Variants in VPS53 observed in about 807,000 individuals in gnomAD.
VPS53 encodes vacuolar protein sorting-associated protein 53 homolog.
In VPS53, 70 loss-of-function variants were observed where a neutral mutation model predicts 107.0. That is an observed-to-expected ratio of 0.65 (90% confidence interval 0.54 to 0.80). The LOEUF is 0.80. VPS53 is among the 30% of genes least tolerant of loss of function. VPS53 has a pLI of 0.00. For missense variants in VPS53, 917 were observed against 1,049.4 expected (o/e 0.87, Z 1.74); for synonymous variants, 409 against 393.3 (o/e 1.04, Z -0.47).
At chr17:710,656 C>T in intron 1 of VPS53, 43 bp from the exon 2 acceptor site, 2 of 1,384,446 alleles carry the variant, frequency 1.4e-6, no homozygotes, top group Non-Finnish European at 2.0e-6. Context: ...ATGTAGTATA[C>T]CGTAAATATA....
chr17:582,109 A>T (rs1276351267), intron 13 of VPS53, among the ~76,000 whole-genome samples: 1 of 148,818 alleles, frequency 6.7e-6, no homozygotes, highest in Non-Finnish European at 1.5e-5. Flanking sequence ...CGTTCCCAGA[A>T]AACATCCCTC....
chr17:646,023 C>T lies in VPS53; in HGVS notation c.608+7268G>A, dbSNP rs528091629. ...ATCCATATCACGGACTGGAGACTGG[C>T]TCCCACACACATCTCGGTGACCGCG... On this transcript the variant is annotated intron_variant, in intron 7 of 21. Coordinates refer to ENST00000437048, the MANE Select transcript of VPS53 (RefSeq NM_001128159.3). Among the ~76,000 whole-genome samples, 19 of 132,082 alleles carry T rather than the reference C, an allele frequency of 1.4e-4. 1 individual carries two copies. Among genetic ancestry groups the T allele is most frequent in the African/African-American group, 4.8e-4 (18 of 37,870 alleles). 86.7% of individuals were successfully genotyped at this position (132,082 alleles called of 152,430 possible).
At chr17:685,212 G>A (rs1972544958) in intron 4 of VPS53, 1 of 152,162 alleles carries the variant, frequency 6.6e-6, no homozygotes, top group Non-Finnish European at 1.5e-5. Flanking sequence ...GCCTGGGTCT[G>A]GAAACCGGTG....
intron 11 of VPS53, among the ~76,000 whole-genome samples, chr17:620,677 T>A (rs1188504385): frequency 7.7e-6 from 1 of 130,400 alleles, no homozygotes; most frequent in Non-Finnish European, 1.6e-5. Flanking sequence ...TTCTACATTC[T>A]ATTTTTTTTT....
intron 10 of VPS53, among the ~76,000 whole-genome samples, chr17:624,176 G>T (rs1969590520): frequency 6.6e-6 from 1 of 152,052 alleles, no homozygotes; most frequent in African/African-American, 2.4e-5. Flanking sequence ...TTACTACGTT[G>T]CCTGTATCTT....
intron 12 of VPS53, among the ~76,000 whole-genome samples, chr17:597,392 G>A (rs561525020): frequency 2.0e-5 from 3 of 152,284 alleles, no homozygotes; most frequent in South Asian, 2.1e-4. Context: ...ATCCTGGGGC[G>A]CCCACCTAAT....
chr17:641,715 A>T (rs1970430037), intron 7 of VPS53, among the ~76,000 whole-genome samples: 1 of 152,222 alleles, frequency 6.6e-6, no homozygotes, highest in Non-Finnish European at 1.5e-5. Context: ...TCAGCCTCCC[A>T]AAGTGCTAGG....
chr17:647,991 G>A (rs1183847483), intron 7 of VPS53, among the ~76,000 whole-genome samples: 1 of 152,214 alleles, frequency 6.6e-6, no homozygotes, highest in Non-Finnish European at 1.5e-5. Context: ...GAATGCTCAC[G>A]TCAGGCGGCA....
At chr17:621,564 TGTTA>T (rs1466692531) in intron 11 of VPS53, among the ~76,000 whole-genome samples, 1 of 152,382 alleles carries the variant, frequency 6.6e-6, no homozygotes, top group East Asian at 1.9e-4. Context: ...AATCCTGTAC[TGTTA>T]GTCTTGTAAT....
chr17:582,903 G>A (rs764990232), intron 13 of VPS53, among the ~76,000 whole-genome samples: 17 of 148,420 alleles, frequency 1.1e-4, no homozygotes, highest in Non-Finnish European at 1.6e-4. Flanking sequence ...GACCTAATGC[G>A]TTCCCAGAGA....
chr17:553,572 C>CA, intron 15 of VPS53, 110 bp from the exon 16 acceptor site: 5 of 689,796 alleles, frequency 7.2e-6, no homozygotes, highest in Non-Finnish European at 1.1e-5. Context: ...TAATTCCATA[C>CA]ACTTTTTTTT....
At chr17:575,939 A>C (rs1914565660) in intron 13 of VPS53, among the ~76,000 whole-genome samples, 1 of 151,474 alleles carries the variant, frequency 6.6e-6, no homozygotes, top group Non-Finnish European at 1.5e-5. Context: ...AAATTCCCTT[A>C]GGACCTAAAT....
chr17:663,946 G>C (rs1033480355), intron 4 of VPS53, among the ~76,000 whole-genome samples: 3 of 152,200 alleles, frequency 2.0e-5, no homozygotes, highest in Non-Finnish European at 2.9e-5. Flanking sequence ...GTGGTGAATT[G>C]ACAGGTGTGG....
At chr17:553,903 T>C (rs1912105335) in intron 15 of VPS53, among the ~76,000 whole-genome samples, 1 of 152,118 alleles carries the variant, frequency 6.6e-6, no homozygotes, top group South Asian at 2.1e-4. Context: ...ATTCTATTAT[T>C]ATCATCGTCA....
At chr17:574,649 C>G (rs1252904645) in intron 13 of VPS53, among the ~76,000 whole-genome samples, 1 of 152,120 alleles carries the variant, frequency 6.6e-6, no homozygotes, top group Non-Finnish European at 1.5e-5. Flanking sequence ...CCTGTAGTCT[C>G]AGCTACTTGA....
chr17:538,983 G>A (rs1377314392), intron 17 of VPS53: 2 of 152,152 alleles, frequency 1.3e-5, no homozygotes, highest in African/African-American at 4.8e-5. Context: ...TGAGCTCATA[G>A]GGTGAGGCCA....
At chr17:714,483 G>T in intron 1 of VPS53, 140 bp downstream of exon 1, 1 of 737,278 alleles carries the variant, frequency 1.4e-6, no homozygotes, top group Non-Finnish European at 2.2e-6. Flanking sequence ...CTTCTCACCC[G>T]CACCACCTCC....
At chr17:606,558 C>T (rs1477693462) in intron 11 of VPS53, among the ~76,000 whole-genome samples, 3 of 152,092 alleles carry the variant, frequency 2.0e-5, no homozygotes, top group Non-Finnish European at 4.4e-5. Flanking sequence ...CCATCCATGA[C>T]GGGCCACGGT....
chr17:659,178 C>T (rs1043442699), intron 5 of VPS53, among the ~76,000 whole-genome samples: 1 of 152,154 alleles, frequency 6.6e-6, no homozygotes, highest in Non-Finnish European at 1.5e-5. Flanking sequence ...AACCTGATCA[C>T]CCACTTGCAA....
Sources: gnomAD v4.1 joint callset for allele counts (sites outside exome capture counted in the v4.1 genomes callset) on GRCh38, gnomAD v4.1.1 for gene constraint, MANE v1.5 for transcripts, NCBI Gene and HGNC (gene_info 2026-07-23, HGNC 2026-07-21) for gene names.